Variants in NELL2 observed in about 807,000 individuals in gnomAD.
NELL2 encodes protein kinase C-binding protein NELL2.
NELL2 carries 41 observed loss-of-function variants against 109.6 expected under a neutral mutation model. That is an observed-to-expected ratio of 0.37 (90% CI 0.29 to 0.49). The LOEUF (loss-of-function observed/expected upper bound fraction) is 0.49, where lower values mean the gene tolerates loss of function less well. Among genes scored for constraint, NELL2 ranks in the 20% least tolerant of loss-of-function variants. The pLI, the probability that NELL2 is intolerant of heterozygous loss-of-function variation, is 0.98. For missense variants in NELL2, 900 were observed against 1,008.3 expected (o/e 0.89, Z 1.45); for synonymous variants, 355 against 344.7 (o/e 1.03, Z -0.33).
chr12:44,703,281 G>A (rs1937658378), intron 12 of NELL2, among the ~76,000 whole-genome samples: 1 of 152,166 alleles, frequency 6.6e-6, no homozygotes, highest in African/African-American at 2.4e-5. Flanking sequence ...AAATACTACA[G>A]AGCATGAATA....
At chr12:44,718,710 C>G (rs1235981150) in intron 9 of NELL2, among the ~76,000 whole-genome samples, 2 of 152,170 alleles carry the variant, frequency 1.3e-5, no homozygotes, top group Non-Finnish European at 2.9e-5. Context: ...GGGAGATGTA[C>G]TTAATTTATT....
chr12:44,543,820 C>A (rs536102738), intron 15 of NELL2, among the ~76,000 whole-genome samples: 129 of 152,234 alleles, frequency 8.5e-4, no homozygotes, highest in Non-Finnish European at 1.6e-3. Context: ...CTGGCTGCAA[C>A]CTCGAGGATC....
chr12:44,729,692 A>T (rs1347718725), intron 9 of NELL2, among the ~76,000 whole-genome samples: 1 of 148,560 alleles, frequency 6.7e-6, no homozygotes, highest in Non-Finnish European at 1.5e-5. Context: ...AACCAAAAGC[A>T]AGAAGCTTCC....
At chr12:44,886,525 T>A (rs1044030461) in intron 1 of NELL2, among the ~76,000 whole-genome samples, 2 of 152,124 alleles carry the variant, frequency 1.3e-5, no homozygotes, top group East Asian at 1.9e-4. Context: ...TGCACTTTTT[T>A]AAAATTAATA....
At chr12:44,910,737 G>A (rs1945770042) in intron 1 of NELL2, among the ~76,000 whole-genome samples, 1 of 151,958 alleles carries the variant, frequency 6.6e-6, no homozygotes, top group Non-Finnish European at 1.5e-5. Flanking sequence ...ATTGGATAAA[G>A]AAAATGTGGT....
intron 9 of NELL2, among the ~76,000 whole-genome samples, chr12:44,754,513 G>A (rs560787879): frequency 6.6e-6 from 1 of 152,176 alleles, no homozygotes; most frequent in African/African-American, 2.4e-5. Flanking sequence ...TATTTCAACT[G>A]CCATCATCCT....
intron 9 of NELL2, among the ~76,000 whole-genome samples, chr12:44,748,662 G>C (rs1940507419): frequency 6.6e-6 from 1 of 152,026 alleles, no homozygotes; most frequent in African/African-American, 2.4e-5. Flanking sequence ...TAAATACTTT[G>C]CTTATTAAAT....
intron 3 of NELL2, among the ~76,000 whole-genome samples, chr12:44,806,354 G>A (rs949344523): frequency 2.6e-5 from 4 of 151,780 alleles, no homozygotes; most frequent in African/African-American, 9.7e-5. Context: ...GTTGAAGAAA[G>A]TAGTTAAGTA....
intron 9 of NELL2, among the ~76,000 whole-genome samples, chr12:44,760,180 T>G (rs2063796387): frequency 6.6e-6 from 1 of 152,142 alleles, no homozygotes; most frequent in Non-Finnish European, 1.5e-5. Flanking sequence ...AACATGTTAC[T>G]CCACCAAAAT....
chr12:44,607,751 G>A (rs1299899286), intron 14 of NELL2, among the ~76,000 whole-genome samples: 1 of 152,082 alleles, frequency 6.6e-6, no homozygotes, highest in African/African-American at 2.4e-5. Context: ...TTGTAAGCGG[G>A]TCCTGGTAAT....
intron 15 of NELL2, among the ~76,000 whole-genome samples, chr12:44,557,936 A>C (rs1411881464): frequency 6.6e-6 from 1 of 152,226 alleles, no homozygotes; most frequent in Non-Finnish European, 1.5e-5. Context: ...CAGTCAAATG[A>C]AAATGGAAGA....
At chr12:44,884,116 G>T (rs1048439509) in intron 1 of NELL2, among the ~76,000 whole-genome samples, 1 of 151,450 alleles carries the variant, frequency 6.6e-6, no homozygotes, top group Non-Finnish European at 1.5e-5. Flanking sequence ...AAAGGTAAAG[G>T]ATTAAAAATA....
rs1362448412 is a variant in NELL2, at chr12:44,865,478, C to A, written c.184+9747G>T. Among the ~76,000 whole-genome samples, 5 of 95,962 alleles carry A rather than the reference C, an allele frequency of 5.2e-5. No homozygotes were observed. In the East Asian group the frequency reaches 1.5e-3, roughly 28 times the overall value. 63.0% of individuals were successfully genotyped at this position (95,962 alleles called of 152,430 possible). A position where few individuals can be genotyped will look rare whatever the true frequency, so the allele number is the denominator to read the frequency against. On this transcript the variant is annotated intron_variant, in intron 2 of 19. Coordinates refer to ENST00000429094, the MANE Select transcript of NELL2 (RefSeq NM_001145108.2). ...CACATATACACCATGGAATACTATG[C>A]AGCCATAAAAAATGATGAGTTCATG...
intron 9 of NELL2, among the ~76,000 whole-genome samples, chr12:44,753,011 C>T (rs369254981): frequency 3.9e-5 from 6 of 152,240 alleles, no homozygotes; most frequent in East Asian, 1.9e-4. Context: ...GACCCTTGGA[C>T]GCTGCAACCC....
chr12:44,825,792 T>C (rs1261467903), intron 2 of NELL2, among the ~76,000 whole-genome samples: 1 of 147,492 alleles, frequency 6.8e-6, no homozygotes, highest in Admixed American at 6.7e-5. Flanking sequence ...ATGCCTGTAA[T>C]CCCAGCACTT....
intron 3 of NELL2, among the ~76,000 whole-genome samples, chr12:44,806,447 C>T (rs1019296412): frequency 3.3e-5 from 5 of 151,778 alleles, no homozygotes; most frequent in African/African-American, 1.2e-4. Context: ...GAAAATTACA[C>T]ATACACATAC....
chr12:44,510,199 T>C (rs1339323974), intron 19 of NELL2, among the ~76,000 whole-genome samples: 2 of 152,220 alleles, frequency 1.3e-5, no homozygotes, highest in Non-Finnish European at 2.9e-5. Flanking sequence ...TATCCCTCCA[T>C]TCCTTAAGTG....
intron 15 of NELL2, among the ~76,000 whole-genome samples, chr12:44,584,276 C>G (rs1470771125): frequency 1.3e-5 from 2 of 152,236 alleles, no homozygotes; most frequent in Non-Finnish European, 2.9e-5. Context: ...GTAAACCCAG[C>G]AGCTATTCAC....
intron 1 of NELL2, among the ~76,000 whole-genome samples, chr12:44,907,582 A>C (rs1335196250): frequency 6.6e-6 from 1 of 152,142 alleles, no homozygotes; most frequent in Non-Finnish European, 1.5e-5. Context: ...ATAAAATGAA[A>C]ACAGAAAAAT....
Sources: gnomAD v4.1 joint callset for allele counts (sites outside exome capture counted in the v4.1 genomes callset) on GRCh38, gnomAD v4.1.1 for gene constraint, MANE v1.5 for transcripts, NCBI Gene and HGNC (gene_info 2026-07-23, HGNC 2026-07-21) for gene names.